NPTN: variants seen among roughly 807,000 people sequenced by gnomAD.
The protein encoded by NPTN is neuroplastin.
Under a neutral mutation model 42.7 loss-of-function variants are expected in NPTN, and 5 were observed. The ratio of observed to expected loss-of-function variants is 0.12; its 90% CI spans 0.06 to 0.25. The LOEUF (loss-of-function observed/expected upper bound fraction) is 0.25, where lower values mean the gene tolerates loss of function less well. Ranked by LOEUF, NPTN falls within the 10% of genes least tolerant of loss-of-function variation. The probability of loss-of-function intolerance (pLI) is 1.00; values close to 1 mark genes in which losing one functional copy is unlikely to be tolerated. For missense variants in NPTN, 307 were observed against 525.4 expected (o/e 0.58, Z 4.06); for synonymous variants, 180 against 201.9 (o/e 0.89, Z 0.92).
Position 73,573,719 on chromosome 15 carries a change from T to C in NPTN, c.783A>G (p.Ser261=). The change falls in exon 5 of 9, where the codon TCA becomes TCG. Residue 261 remains serine (S), a synonymous_variant. Transcript: ENST00000345330. ...EGQDATMYCK[S]VGYPHPDWIW... ...TCCAGTCTGGGTGGGGGTAGCCAAC[T>C]GACTTGCAATACATAGTGGCATCCT... 1 of 1,595,828 alleles carries C rather than the reference T, an allele frequency of 6.3e-7. No individual in the cohort carries two copies. Among genetic ancestry groups the C allele is most frequent in the Non-Finnish European group, 8.5e-7 (1 of 1,172,298 alleles).
chr15:73,589,324 C>T (rs1187146501), intron 3 of NPTN, among the ~76,000 whole-genome samples: 2 of 151,772 alleles, frequency 1.3e-5, no homozygotes, highest in African/African-American at 2.4e-5. Context: ...AGAGTAAGAC[C>T]CTGTTGCGAA....
chr15:73,565,211 A>G (rs1894915002), intron 6 of NPTN, among the ~76,000 whole-genome samples: 2 of 152,124 alleles, frequency 1.3e-5, no homozygotes, highest in Admixed American at 1.3e-4. Flanking sequence ...GTCTCCCCAA[A>G]TCCACTTTCA....
intron 1 of NPTN, among the ~76,000 whole-genome samples, chr15:73,601,901 G>C (rs907236107): frequency 6.6e-6 from 1 of 152,196 alleles, no homozygotes; most frequent in Non-Finnish European, 1.5e-5. Flanking sequence ...GCAAACCCAA[G>C]AGAAGCGTAA....
chr15:73,631,212 G>C (rs1277044314), intron 1 of NPTN, among the ~76,000 whole-genome samples: 1 of 152,146 alleles, frequency 6.6e-6, no homozygotes, highest in Non-Finnish European at 1.5e-5. Context: ...CTCACCTATT[G>C]TGCAAAATGA....
intron 1 of NPTN, among the ~76,000 whole-genome samples, chr15:73,612,425 A>G (rs1036137714): frequency 4.0e-5 from 6 of 151,180 alleles, no homozygotes; most frequent in Non-Finnish European, 8.9e-5. Flanking sequence ...GTCTCCAAAA[A>G]AAAAAAAAAA....
At chr15:73,565,781 T>G (rs1030204579) in intron 6 of NPTN, 1 of 456,338 alleles carries the variant, frequency 2.2e-6, no homozygotes, top group Non-Finnish European at 4.4e-6. Context: ...GGTGGAACTG[T>G]AGCACACACT....
chr15:73,605,214 G>T (rs1200253106), intron 1 of NPTN, among the ~76,000 whole-genome samples: 31 of 151,934 alleles, frequency 2.0e-4, no homozygotes, highest in Admixed American at 2.0e-3. Context: ...GAAGGAGGGG[G>T]ATGTCTACTG....
intron 1 of NPTN, among the ~76,000 whole-genome samples, chr15:73,613,196 G>C (rs940606839): frequency 1.3e-5 from 2 of 152,216 alleles, no homozygotes; most frequent in East Asian, 3.9e-4. Context: ...CCAAAACCTG[G>C]AGCAATAATT....
intron 6 of NPTN, among the ~76,000 whole-genome samples, chr15:73,566,215 C>T (rs1027370154): frequency 4.6e-5 from 7 of 152,210 alleles, no homozygotes; most frequent in Non-Finnish European, 1.0e-4. Context: ...TTAAAAGTCA[C>T]ATTTCTTTTC....
chr15:73,576,162 C>T (rs1157011062), intron 4 of NPTN, among the ~76,000 whole-genome samples: 6 of 152,214 alleles, frequency 3.9e-5, no homozygotes, highest in African/African-American at 1.4e-4. Flanking sequence ...ATGTGCTGCT[C>T]CAGCCAGCCA....
chr15:73,600,120 G>A (rs987848571), intron 1 of NPTN, among the ~76,000 whole-genome samples: 2 of 152,176 alleles, frequency 1.3e-5, no homozygotes, highest in Admixed American at 6.5e-5. Context: ...ACAACTGGGC[G>A]AGTCACTCAG....
chr15:73,596,162 T>A (rs1007487863), intron 2 of NPTN, among the ~76,000 whole-genome samples: 1 of 152,078 alleles, frequency 6.6e-6, no homozygotes, highest in Non-Finnish European at 1.5e-5. Context: ...AAAAAAATAA[T>A]AATTTGCAGC....
chr15:73,583,250 T>A (rs569129512), intron 4 of NPTN, among the ~76,000 whole-genome samples: 2 of 152,284 alleles, frequency 1.3e-5, no homozygotes, highest in Admixed American at 1.3e-4. Flanking sequence ...TTAGAACACA[T>A]TTCTCCTAAC....
chr15:73,575,843 G>A (rs1389577273), intron 4 of NPTN, among the ~76,000 whole-genome samples: 1 of 152,230 alleles, frequency 6.6e-6, no homozygotes, highest in Non-Finnish European at 1.5e-5. Flanking sequence ...AGCTGTCTCT[G>A]TAACCAGTCC....
At chr15:73,624,289 T>C (rs574446896) in intron 1 of NPTN, among the ~76,000 whole-genome samples, 99 of 152,358 alleles carry the variant, frequency 6.5e-4, no homozygotes, top group African/African-American at 2.3e-3. Context: ...GCAAGCTATT[T>C]GAAACCTCTT....
chr15:73,587,431 A>G, intron 4 of NPTN, 93 bp downstream of exon 4: 2 of 873,560 alleles, frequency 2.3e-6, no homozygotes, highest in South Asian at 2.9e-5. Context: ...TCGACATGGA[A>G]AGAAGAGGAG....
intron 6 of NPTN, chr15:73,567,318 C>G (rs894018184): frequency 1.1e-5 from 11 of 985,036 alleles, no homozygotes; most frequent in African/African-American, 7.0e-5. Flanking sequence ...TATGGCAGGC[C>G]TATAAAAAAA....
intron 1 of NPTN, among the ~76,000 whole-genome samples, chr15:73,617,221 A>G (rs1897906161): frequency 6.6e-6 from 1 of 152,242 alleles, no homozygotes; most frequent in African/African-American, 2.4e-5. Flanking sequence ...GATACACAAC[A>G]AACTACTAAC....
At chr15:73,581,431 T>C (rs188746978) in intron 4 of NPTN, among the ~76,000 whole-genome samples, 1 of 152,260 alleles carries the variant, frequency 6.6e-6, no homozygotes. Flanking sequence ...AAAAGACCCT[T>C]AGAAGAGAGT....
Sources: allele counts gnomAD v4.1 joint callset (sites outside exome capture counted in the v4.1 genomes callset), GRCh38; gene constraint gnomAD v4.1.1; transcripts MANE v1.5; gene names NCBI Gene and HGNC (gene_info 2026-07-23, HGNC 2026-07-21).